Variants in CDK2AP1 observed in about 807,000 individuals in gnomAD.
CDK2AP1 encodes cyclin-dependent kinase 2-associated protein 1.
Under a neutral mutation model 14.1 loss-of-function variants are expected in CDK2AP1, and 10 were observed. The ratio of observed to expected loss-of-function variants is 0.71; its 90% confidence interval spans 0.44 to 1.20. CDK2AP1 has a LOEUF of 1.20. Among genes scored for constraint, CDK2AP1 ranks in the 50% most tolerant of loss-of-function variants. CDK2AP1 has a pLI of 0.00. For synonymous variants in CDK2AP1, 59 were observed against 59.8 expected (o/e 0.99, Z 0.06); for missense variants, 102 against 149.9 (o/e 0.68, Z 1.67).
chr12:123,267,293 G>C lies in CDK2AP1; in HGVS notation c.56-11C>G, dbSNP rs375152805. The C allele has an allele frequency of 6.5e-4, 1,013 of 1,559,674 alleles. No homozygotes were observed. The highest frequency in any genetic ancestry group is 8.1e-4 in the Non-Finnish European group (920 of 1,131,080). On this transcript the variant is annotated splice_polypyrimidine_tract_variant and intron_variant, in intron 1 of 3. Coordinates refer to ENST00000261692, the MANE Select transcript of CDK2AP1 (RefSeq NM_004642.4). ...AGTGGACACTCCCAGCTGTGGGGTGGGGAGAGAGAGGCCAGGAGTCAGCTC... is the reference window on the plus strand; with the variant it reads ...AGTGGACACTCCCAGCTGTGGGGTGCGGAGAGAGAGGCCAGGAGTCAGCTC...
At chr12:123,270,130 C>G in intron 1 of CDK2AP1, 5 of 772,808 alleles carry the variant, frequency 6.5e-6, no homozygotes, top group Non-Finnish European at 7.9e-6. Context: ...AACACCAGCC[C>G]CTGCCCTCCC....
chr12:123,266,167 A>T (rs902377807), intron 2 of CDK2AP1, among the ~76,000 whole-genome samples: 3 of 151,430 alleles, frequency 2.0e-5, no homozygotes, highest in African/African-American at 7.3e-5. Flanking sequence ...CTCCTCCACC[A>T]CCGCCTCTGT....
At chr12:123,271,030 G>A in intron 1 of CDK2AP1, 1 of 885,420 alleles carries the variant, frequency 1.1e-6, no homozygotes, top group Non-Finnish European at 1.3e-6. Flanking sequence ...AGGGCCCCCG[G>A]CAGCCCGGCA....
At chr12:123,267,346 G>A (rs1478857254) in intron 1 of CDK2AP1, 64 bp from the exon 2 acceptor site, 6 of 987,952 alleles carry the variant, frequency 6.1e-6, no homozygotes, top group East Asian at 2.4e-5. Context: ...CAAGGACTCC[G>A]GGTCCTGCAA....
chr12:123,263,210 CAA>C (rs1322793114), intron 3 of CDK2AP1, among the ~76,000 whole-genome samples: 3 of 72,072 alleles, frequency 4.2e-5, no homozygotes, highest in African/African-American at 5.7e-5. Flanking sequence ...GACTCTGTCT[CAA>C]AAAAAAAAAA....
chr12:123,266,679 G>C (rs1209744306), intron 2 of CDK2AP1, among the ~76,000 whole-genome samples: 1 of 152,222 alleles, frequency 6.6e-6, no homozygotes, highest in African/African-American at 2.4e-5. Context: ...GGGGGTCACA[G>C]TCTGGAAAGT....
chr12:123,263,324 C>T (rs1329581429), intron 3 of CDK2AP1, among the ~76,000 whole-genome samples: 8 of 152,004 alleles, frequency 5.3e-5, no homozygotes, highest in Admixed American at 5.2e-4. Flanking sequence ...CCCTCTATGA[C>T]GTGTTTTCAC....
intron 1 of CDK2AP1, among the ~76,000 whole-genome samples, chr12:123,268,792 T>C (rs1182041192): frequency 6.6e-6 from 1 of 152,124 alleles, no homozygotes; most frequent in Non-Finnish European, 1.5e-5. Flanking sequence ...CTGCAGGAAT[T>C]GGGCAGGGTG....
At chr12:123,268,922 T>C (rs777666432) in intron 1 of CDK2AP1, among the ~76,000 whole-genome samples, 1 of 152,186 alleles carries the variant, frequency 6.6e-6, no homozygotes, top group African/African-American at 2.4e-5. Context: ...GTTCTGATCC[T>C]GGTCACTACA....
chr12:123,270,578 G>A (rs2048345058), intron 1 of CDK2AP1, among the ~76,000 whole-genome samples: 1 of 152,064 alleles, frequency 6.6e-6, no homozygotes, highest in Non-Finnish European at 1.5e-5. Flanking sequence ...AAGGGCCCCA[G>A]TGAGGTCACA....
intron 1 of CDK2AP1, among the ~76,000 whole-genome samples, chr12:123,270,482 C>T (rs1217031382): frequency 1.3e-5 from 2 of 152,144 alleles, no homozygotes; most frequent in African/African-American, 4.8e-5. Flanking sequence ...GGGGCCACTC[C>T]TCTCCCCGTC....
chr12:123,269,688 C>G (rs1373534559), intron 1 of CDK2AP1, among the ~76,000 whole-genome samples: 4 of 148,604 alleles, frequency 2.7e-5, no homozygotes, highest in East Asian at 2.1e-4. Context: ...GGCTCTGGGG[C>G]GGGGGAGGCG....
At position 123,271,665 on chromosome 12, in the gene CDK2AP1, G is replaced by C. The variant is rs934680507; in HGVS notation, c.-47C>G. On this transcript the variant is annotated 5_prime_UTR_variant, in exon 1 of 4. Transcript: ENST00000261692. ...CGGGCGCGGCGGGGCCAGGCCGCGA[G>C]GGCGGCGGCGGCGGCGGCGAGGCCG... The C allele has an allele frequency of 1.1e-5, 9 of 833,228 alleles. No individual in the cohort carries two copies. Among genetic ancestry groups the C allele is most frequent in the Non-Finnish European group, 1.3e-5 (9 of 693,824 alleles). The allele number at this position is 833,228 out of a possible 1,614,324, so 51.6% of individuals were successfully genotyped here.
intron 1 of CDK2AP1, chr12:123,271,133 A>C: frequency 1.8e-6 from 1 of 570,592 alleles, no homozygotes; most frequent in Non-Finnish European, 2.2e-6. Flanking sequence ...GGGCTGCTTC[A>C]CGACCCCGCT....
chr12:123,268,843 G>A (rs1375599355), intron 1 of CDK2AP1, among the ~76,000 whole-genome samples: 6 of 152,234 alleles, frequency 3.9e-5, no homozygotes, highest in Non-Finnish European at 7.3e-5. Flanking sequence ...CCAAACCCCA[G>A]TTTCCTGAGC....
intron 2 of CDK2AP1, 37 bp downstream of exon 2, chr12:123,267,148 T>C (rs2138818697): frequency 2.6e-6 from 3 of 1,166,432 alleles, no homozygotes; most frequent in Non-Finnish European, 3.9e-6. Context: ...TGTCTCCCCC[T>C]GGCCCTCCCA....
chr12:123,269,931 G>A (rs985568560), intron 1 of CDK2AP1, among the ~76,000 whole-genome samples: 1 of 152,142 alleles, frequency 6.6e-6, no homozygotes, highest in East Asian at 1.9e-4. Context: ...TGGGGATCTC[G>A]GCACTCCTGG....
chr12:123,268,442 G>A (rs911821864), intron 1 of CDK2AP1, among the ~76,000 whole-genome samples: 3 of 152,240 alleles, frequency 2.0e-5, no homozygotes, highest in African/African-American at 7.2e-5. Flanking sequence ...GTGGCCCCAG[G>A]GCACACAGCA....
chr12:123,268,900 G>GCA (rs2048326592), intron 1 of CDK2AP1, among the ~76,000 whole-genome samples: 1 of 152,182 alleles, frequency 6.6e-6, no homozygotes, highest in Non-Finnish European at 1.5e-5. Context: ...GGCTCTGCCG[G>GCA]CACAGACCTG....
Sources: gnomAD v4.1 joint callset for allele counts (sites outside exome capture counted in the v4.1 genomes callset) on GRCh38, gnomAD v4.1.1 for gene constraint, MANE v1.5 for transcripts, NCBI Gene and HGNC (gene_info 2026-07-23, HGNC 2026-07-21) for gene names.